The following CADM2 variants were observed in gnomAD, a reference collection of about 807,000 sequenced individuals.
CADM2 encodes cell adhesion molecule 2, also known as immunoglobulin superfamily member 4D.
Under a neutral mutation model 49.8 loss-of-function variants are expected in CADM2, and 12 were observed. That is an observed-to-expected ratio of 0.24 (90% CI 0.15 to 0.39). The LOEUF (loss-of-function observed/expected upper bound fraction) is 0.39. Ranked by LOEUF, CADM2 falls within the 10% of genes least tolerant of loss-of-function variation. The probability of loss-of-function intolerance (pLI) is 1.00; values close to 1 mark genes in which losing one functional copy is unlikely to be tolerated. For missense variants in CADM2, 378 were observed against 492.3 expected (o/e 0.77, Z 2.20); for synonymous variants, 214 against 175.4 (o/e 1.22, Z -1.74).
chr3:85,191,527 T>C (rs1399074368), intron 1 of CADM2, among the ~76,000 whole-genome samples: 1 of 152,054 alleles, frequency 6.6e-6, no homozygotes, highest in East Asian at 1.9e-4. Flanking sequence ...AATTACATAA[T>C]TTACTCAAAG....
chr3:85,124,662 A>G (rs1268249521), intron 1 of CADM2, among the ~76,000 whole-genome samples: 1 of 152,192 alleles, frequency 6.6e-6, no homozygotes, highest in Admixed American at 6.5e-5. Flanking sequence ...CTGCAAGTGG[A>G]AAATGTATTC....
At chr3:85,803,025 G>T (rs989838930) in intron 3 of CADM2, among the ~76,000 whole-genome samples, 2 of 151,802 alleles carry the variant, frequency 1.3e-5, no homozygotes, top group Non-Finnish European at 2.9e-5. Context: ...ATCTGTATAG[G>T]TAATTGTAAG....
At chr3:85,029,321 A>T (rs1012757590) in intron 1 of CADM2, among the ~76,000 whole-genome samples, 2 of 152,176 alleles carry the variant, frequency 1.3e-5, no homozygotes, top group African/African-American at 4.8e-5. Flanking sequence ...TTGGCATTTC[A>T]TAAATCCAAA....
chr3:85,686,936 C>T (rs1166188531), intron 1 of CADM2, among the ~76,000 whole-genome samples: 1 of 152,092 alleles, frequency 6.6e-6, no homozygotes, highest in Admixed American at 6.5e-5. Flanking sequence ...TCTAATGACT[C>T]CCTAAAATGC....
At chr3:85,075,166 T>G (rs1026963625) in intron 1 of CADM2, among the ~76,000 whole-genome samples, 5 of 151,892 alleles carry the variant, frequency 3.3e-5, no homozygotes, top group Non-Finnish European at 5.9e-5. Context: ...CTGAAGGACA[T>G]GTGCCTCTCA....
chr3:85,060,512 T>C (rs2036265792), intron 1 of CADM2, among the ~76,000 whole-genome samples: 1 of 152,210 alleles, frequency 6.6e-6, no homozygotes, highest in African/African-American at 2.4e-5. Flanking sequence ...ACACACTTCC[T>C]TGGAGTTATG....
chr3:85,156,206 A>G (rs567162180), intron 1 of CADM2, among the ~76,000 whole-genome samples: 1 of 152,192 alleles, frequency 6.6e-6, no homozygotes. Flanking sequence ...GAAAGGATCA[A>G]CAAAATTGAT....
At chr3:85,379,449 C>T (rs1041058491) in intron 1 of CADM2, among the ~76,000 whole-genome samples, 1 of 151,868 alleles carries the variant, frequency 6.6e-6, no homozygotes, top group African/African-American at 2.4e-5. Flanking sequence ...CCTTTAGAAG[C>T]TGATCTGAGT....
intron 1 of CADM2, among the ~76,000 whole-genome samples, chr3:85,623,428 A>G (rs1292690777): frequency 6.6e-6 from 1 of 152,252 alleles, no homozygotes; most frequent in East Asian, 1.9e-4. Flanking sequence ...GTCATTTTGA[A>G]CCATAAGGGT....
rs556148039 is a variant in CADM2 at position 85,839,611 on chromosome 3, T to A, written c.238+37415T>A. Among the ~76,000 whole-genome samples the A allele has an allele frequency of 2.4e-4, 37 of 151,902 alleles. 1 individual carries two copies. The South Asian group carries it at 6.4e-3, about 26-fold the overall frequency. On this transcript the variant is annotated intron_variant, in intron 3 of 9. Transcript: ENST00000383699. ...CTCAGGCACACAATTTAGCCTTCTATATAATTGGCATTCAGGAAGATGAGG... is the reference window on the plus strand; with the variant it reads ...CTCAGGCACACAATTTAGCCTTCTAAATAATTGGCATTCAGGAAGATGAGG...
intron 1 of CADM2, among the ~76,000 whole-genome samples, chr3:85,368,189 G>A (rs2032939903): frequency 6.6e-6 from 1 of 151,956 alleles, no homozygotes; most frequent in Non-Finnish European, 1.5e-5. Context: ...TCAGTTTCAA[G>A]GCTCTGGATG....
chr3:85,545,602 A>G (rs973203557), intron 1 of CADM2, among the ~76,000 whole-genome samples: 1 of 152,146 alleles, frequency 6.6e-6, no homozygotes, highest in Non-Finnish European at 1.5e-5. Flanking sequence ...CTCAAGATTT[A>G]AATATCATGT....
chr3:85,176,263 A>G (rs1252828108), intron 1 of CADM2, among the ~76,000 whole-genome samples: 1 of 152,184 alleles, frequency 6.6e-6, no homozygotes, highest in African/African-American at 2.4e-5. Context: ...CACTTCCAGC[A>G]GCCATACCCT....
intron 8 of CADM2, among the ~76,000 whole-genome samples, chr3:86,021,275 CA>C (rs1309417901): frequency 3.3e-5 from 5 of 152,108 alleles, no homozygotes; most frequent in Admixed American, 6.6e-5. Flanking sequence ...GCTGGGATTT[CA>C]AGTGTGAGTC....
chr3:85,118,916 AT>A (rs2038744829), intron 1 of CADM2, among the ~76,000 whole-genome samples: 1 of 151,776 alleles, frequency 6.6e-6, no homozygotes, highest in Admixed American at 6.6e-5. Context: ...CACCCAGCTA[AT>A]TTTGTATTTT....
chr3:85,025,696 A>G (rs1235740292), intron 1 of CADM2, among the ~76,000 whole-genome samples: 1 of 152,132 alleles, frequency 6.6e-6, no homozygotes, highest in Non-Finnish European at 1.5e-5. Flanking sequence ...TGCTTACAAA[A>G]TCATCCATGT....
At chr3:85,871,455 A>G (rs575837227) in intron 3 of CADM2, among the ~76,000 whole-genome samples, 14 of 152,238 alleles carry the variant, frequency 9.2e-5, no homozygotes, top group South Asian at 6.2e-4. Context: ...ATAATATTTA[A>G]GAGATCTATA....
chr3:85,478,856 G>A (rs994389934), intron 1 of CADM2, among the ~76,000 whole-genome samples: 5 of 151,940 alleles, frequency 3.3e-5, no homozygotes, highest in African/African-American at 9.7e-5. Flanking sequence ...CACTTCCAAT[G>A]TGGCATGCTG....
At chr3:85,895,574 G>A (rs1330153129) in intron 5 of CADM2, among the ~76,000 whole-genome samples, 2 of 152,184 alleles carry the variant, frequency 1.3e-5, no homozygotes, top group East Asian at 3.9e-4. Flanking sequence ...GGGAAGGCAT[G>A]ATTGGTTTTG....
Sources: allele counts gnomAD v4.1 joint callset (sites outside exome capture counted in the v4.1 genomes callset), GRCh38; gene constraint gnomAD v4.1.1; transcripts MANE v1.5; gene names NCBI Gene and HGNC (gene_info 2026-07-23, HGNC 2026-07-21).